Variants in NAT1 observed in about 807,000 individuals in gnomAD.
NAT1 encodes the protein N-acetyltransferase 1.
For missense variants in NAT1, 400 were observed against 339.2 expected (o/e 1.18, Z -1.41); for synonymous variants, 144 against 122.6 (o/e 1.17, Z -1.16).
rs191457225 is a variant in NAT1, at chr8:18,187,596, T to C, written n.92+16857T>C. On this transcript the variant is annotated intron_variant and non_coding_transcript_variant, in intron 2 of 4. Transcript: ENST00000517441. ...GAGACCATTATCCTTAGCAAACTAA[T>C]GCAGGAACAGAAAACCAAATACAGC... Among the ~76,000 whole-genome samples, 4 of 152,096 alleles carry C rather than the reference T, an allele frequency of 2.6e-5. No individual in the cohort carries two copies. The East Asian group carries it at 5.8e-4, about 22-fold the overall frequency.
intron 2 of NAT1, among the ~76,000 whole-genome samples, chr8:18,189,264 C>A (rs184726300): frequency 1.0e-3 from 153 of 152,210 alleles, no homozygotes; most frequent in Admixed American, 2.2e-3. Flanking sequence ...TTTTTTCCAA[C>A]TTTTCCCTCC....
intron 2 of NAT1, among the ~76,000 whole-genome samples, chr8:18,202,832 A>AC (rs1351239500): frequency 6.6e-6 from 1 of 152,068 alleles, no homozygotes; most frequent in Non-Finnish European, 1.5e-5. Flanking sequence ...GTGGAAGGGG[A>AC]CCCCAGCAGG....
intron 2 of NAT1, among the ~76,000 whole-genome samples, chr8:18,194,789 A>G (rs1803165716): frequency 6.6e-6 from 1 of 150,854 alleles, no homozygotes; most frequent in African/African-American, 2.4e-5. Context: ...ACTGCACTCC[A>G]GCCTGGGCAA....
intron 2 of NAT1, among the ~76,000 whole-genome samples, chr8:18,193,328 ACCTCG>A (rs1803092949): frequency 6.7e-6 from 1 of 149,640 alleles, no homozygotes; most frequent in Non-Finnish European, 1.5e-5. Context: ...TGATGCTCAC[ACCTCG>A]ACCTCCTGTA....
chr8:18,221,312 GT>G (rs33944764), intron 2 of NAT1, among the ~76,000 whole-genome samples: 28,490 of 133,684 alleles, frequency 0.21, 3,899 homozygotes, highest in African/African-American at 0.42. Flanking sequence ...TTTTTGGTGT[GT>G]TTTTTTTTTT....
chr8:18,203,555 C>G (rs1276845441), intron 2 of NAT1, among the ~76,000 whole-genome samples: 4 of 152,196 alleles, frequency 2.6e-5, no homozygotes, highest in Admixed American at 6.5e-5. Flanking sequence ...AGGCTCTAAA[C>G]AAATGGCCAC....
chr8:18,219,284 G>A (rs1262541125), intron 1 of NAT1, 127 bp from the exon 2 acceptor site: 5 of 642,582 alleles, frequency 7.8e-6, no homozygotes, highest in Non-Finnish European at 1.3e-5. Flanking sequence ...TCACTTTACT[G>A]TGCAGTCCAT....
rs753587469 is a variant in NAT1 at position 18,222,715 on chromosome 8, G to C, written c.668G>C (p.Cys223Ser). The change falls in exon 3 of 3, where the codon TGT becomes TCT. Residue 223 changes from cysteine (C) to serine (S), a missense_variant. Physicochemically the swap from Cys to Ser is moderately radical, Grantham distance 112. Coordinates refer to ENST00000307719, the MANE Select transcript of NAT1 (RefSeq NM_000662.8). ...TCTGTGTTTACTAGTAAATCATTTT[G>C]TTCCTTGCAGACCCCAGATGGGGTT... is the stretch of plus-strand genomic sequence containing the variant. ...PSSVFTSKSF[C>S]SLQTPDGVHC... 1.5e-5 allele frequency: 25 copies of C among 1,613,804 alleles called. No homozygotes were observed. The highest frequency in any genetic ancestry group is 1.9e-5 in the Non-Finnish European group (22 of 1,179,926).
intron 2 of NAT1, among the ~76,000 whole-genome samples, chr8:18,190,335 T>A (rs1466277831): frequency 6.6e-6 from 1 of 152,176 alleles, no homozygotes; most frequent in African/African-American, 2.4e-5. Flanking sequence ...AGAGCATAAT[T>A]TCAGAGGAGG....
intron 2 of NAT1, among the ~76,000 whole-genome samples, chr8:18,192,004 TAA>T (rs1261445564): frequency 6.6e-6 from 1 of 151,564 alleles, no homozygotes; most frequent in Admixed American, 6.6e-5. Context: ...CTAATTAAAC[TAA>T]AGAGCTTCTG....
intron 2 of NAT1, among the ~76,000 whole-genome samples, chr8:18,202,594 T>C (rs190908263): frequency 2.6e-5 from 4 of 152,298 alleles, no homozygotes; most frequent in African/African-American, 9.6e-5. Context: ...ATGGTCTCGC[T>C]GACTTCAGGA....
chr8:18,197,155 T>C (rs1454637777), intron 2 of NAT1, among the ~76,000 whole-genome samples: 1 of 152,146 alleles, frequency 6.6e-6, no homozygotes, highest in East Asian at 1.9e-4. Flanking sequence ...CCAAGATCCA[T>C]GAACCACCCC....
At chr8:18,205,949 A>C (rs1260500806), upstream of NAT1, among the ~76,000 whole-genome samples, 1 of 152,172 alleles carries the variant, frequency 6.6e-6, no homozygotes, top group Non-Finnish European at 1.5e-5. Context: ...CAGGACTGAC[A>C]GTTCTCCAAG....
At chr8:18,191,895 G>A (rs200629761) in intron 2 of NAT1, among the ~76,000 whole-genome samples, 1 of 152,074 alleles carries the variant, frequency 6.6e-6, no homozygotes, top group Non-Finnish European at 1.5e-5. Flanking sequence ...CCTAGAAGAA[G>A]ACCTAGGCAT....
intron 2 of NAT1, among the ~76,000 whole-genome samples, chr8:18,202,944 T>C (rs959188109): frequency 6.6e-6 from 1 of 152,170 alleles, no homozygotes; most frequent in Non-Finnish European, 1.5e-5. Flanking sequence ...GTCCATTTTA[T>C]AGAGTACTGA....
upstream of NAT1, among the ~76,000 whole-genome samples, chr8:18,205,831 C>T (rs967401797): frequency 4.6e-5 from 7 of 152,112 alleles, no homozygotes; most frequent in African/African-American, 1.2e-4. Context: ...GCTCCCAGGG[C>T]GCTGCAAGCA....
At chr8:18,174,616 G>A (rs192844477) in intron 2 of NAT1, among the ~76,000 whole-genome samples, 5 of 152,074 alleles carry the variant, frequency 3.3e-5, no homozygotes, top group African/African-American at 9.6e-5. Context: ...GAGTCCTCAC[G>A]CCCTGGAGAA....
At chr8:18,204,338 C>G (rs909376221) in intron 2 of NAT1, among the ~76,000 whole-genome samples, 3 of 152,132 alleles carry the variant, frequency 2.0e-5, no homozygotes, top group Non-Finnish European at 4.4e-5. Flanking sequence ...CTTGGGTGTA[C>G]ATGGGTACTT....
intron 2 of NAT1, among the ~76,000 whole-genome samples, chr8:18,179,598 G>C (rs1802429783): frequency 6.6e-6 from 1 of 152,174 alleles, no homozygotes; most frequent in African/African-American, 2.4e-5. Flanking sequence ...ATGATTAGCA[G>C]TCCCTGCTGG....
Sources: allele counts gnomAD v4.1 joint callset (sites outside exome capture counted in the v4.1 genomes callset), GRCh38; gene constraint gnomAD v4.1.1; transcripts MANE v1.5; gene names NCBI Gene and HGNC (gene_info 2026-07-23, HGNC 2026-07-21).